CCDC85A: variants seen among roughly 807,000 people sequenced by gnomAD.
CCDC85A encodes coiled-coil domain-containing protein 85A.
CCDC85A carries 38 observed loss-of-function variants against 50.2 expected under a neutral mutation model. That is an observed-to-expected ratio of 0.76 (90% confidence interval 0.58 to 0.99). The LOEUF (loss-of-function observed/expected upper bound fraction) is 0.99, where lower values mean the gene tolerates loss of function less well. Among genes scored for constraint, CCDC85A ranks in the 50% least tolerant of loss-of-function variants. The probability of loss-of-function intolerance (pLI) is 0.00; values close to 1 mark genes in which losing one functional copy is unlikely to be tolerated. For synonymous variants in CCDC85A, 366 were observed against 301.4 expected, an observed-to-expected ratio of 1.21 and a Z score of -2.22; for missense variants, 820 against 742.0, an observed-to-expected ratio of 1.11 and a Z score of -1.22.
chr2:56,333,499 C>A (rs1673917425), intron 2 of CCDC85A, among the ~76,000 whole-genome samples: 1 of 151,910 alleles, frequency 6.6e-6, no homozygotes, highest in African/African-American at 2.4e-5. Flanking sequence ...AGAACTTTGG[C>A]CTTAATTTGG....
chr2:56,276,290 C>CT (rs775980476), intron 2 of CCDC85A, among the ~76,000 whole-genome samples: 2 of 152,106 alleles, frequency 1.3e-5, no homozygotes, highest in Admixed American at 6.5e-5. Flanking sequence ...TGCTTACTGG[C>CT]TTTTTATTTT....
chr2:56,366,453 A>G (rs1675799121), intron 3 of CCDC85A, among the ~76,000 whole-genome samples: 1 of 152,176 alleles, frequency 6.6e-6, no homozygotes, highest in Non-Finnish European at 1.5e-5. Context: ...TTTAAAAGGC[A>G]TGAGGTGATC....
At chr2:56,318,285 C>A (rs1673010005) in intron 2 of CCDC85A, among the ~76,000 whole-genome samples, 1 of 151,950 alleles carries the variant, frequency 6.6e-6, no homozygotes. Context: ...TAGGCTAGAC[C>A]CTAATGAGGA....
intron 2 of CCDC85A, among the ~76,000 whole-genome samples, chr2:56,278,510 T>C (rs1450928341): frequency 6.6e-6 from 1 of 152,200 alleles, no homozygotes; most frequent in Non-Finnish European, 1.5e-5. Context: ...TCTTATCATT[T>C]TGTCCTTCTC....
chr2:56,234,816 T>C (rs1023616775), intron 2 of CCDC85A, among the ~76,000 whole-genome samples: 3 of 152,206 alleles, frequency 2.0e-5, no homozygotes, highest in Non-Finnish European at 4.4e-5. Flanking sequence ...GCCTGTTTGC[T>C]GATTTTAGGG....
At chr2:56,312,127 T>G (rs972832319) in intron 2 of CCDC85A, among the ~76,000 whole-genome samples, 3 of 152,122 alleles carry the variant, frequency 2.0e-5, no homozygotes, top group African/African-American at 7.2e-5. Context: ...AGAGAAGCAC[T>G]GAGTGAATGG....
intron 2 of CCDC85A, among the ~76,000 whole-genome samples, chr2:56,238,995 A>G (rs949342884): frequency 3.3e-5 from 5 of 152,178 alleles, no homozygotes; most frequent in Non-Finnish European, 5.9e-5. Context: ...TTATCCAAGA[A>G]TATAAAGGAT....
At chr2:56,372,550 G>T (rs1035563887) in intron 4 of CCDC85A, 72 bp downstream of exon 4, 2 of 1,389,230 alleles carry the variant, frequency 1.4e-6, no homozygotes, top group Non-Finnish European at 1.9e-6. Flanking sequence ...TAGAGAAAAA[G>T]TTATACTGGG....
chr2:56,310,004 C>T (rs1672616740), intron 2 of CCDC85A, among the ~76,000 whole-genome samples: 1 of 152,142 alleles, frequency 6.6e-6, no homozygotes, highest in South Asian at 2.1e-4. Context: ...CTGGAGGAGT[C>T]ACACTATTCA....
intron 2 of CCDC85A, among the ~76,000 whole-genome samples, chr2:56,302,588 G>T (rs555627207): frequency 6.6e-6 from 1 of 152,208 alleles, no homozygotes; most frequent in Non-Finnish European, 1.5e-5. Flanking sequence ...AAATGTATTT[G>T]GTTTTATACT....
At chr2:56,378,161 T>C (rs1474304108) in intron 5 of CCDC85A, among the ~76,000 whole-genome samples, 2 of 152,170 alleles carry the variant, frequency 1.3e-5, no homozygotes, top group African/African-American at 4.8e-5. Flanking sequence ...ACATGTTTTG[T>C]TTTTGAGAGC....
intron 2 of CCDC85A, chr2:56,235,072 A>T (rs1164228826): frequency 6.6e-6 from 1 of 152,200 alleles, no homozygotes; most frequent in Non-Finnish European, 1.5e-5. Context: ...ACCTATGTAA[A>T]AGCTAAAAAT....
rs574761456 is a variant in CCDC85A, at chr2:56,343,417, A to G, written c.1317+462A>G. ...CTAAAATTCTTTGTGGTATAATTGA[A>G]CTCTTTCAGTGCAACAAAGTGATGA... On this transcript the variant is annotated intron_variant, in intron 3 of 5. Transcript: ENST00000407595. Among the ~76,000 whole-genome samples, 182 of 152,124 alleles carry G rather than the reference A, an allele frequency of 1.2e-3. 1 individual carries two copies. In the South Asian group the frequency reaches 0.035, roughly 29 times the overall value.
intron 2 of CCDC85A, among the ~76,000 whole-genome samples, chr2:56,238,342 G>A (rs1297467402): frequency 5.3e-5 from 8 of 151,344 alleles, no homozygotes; most frequent in South Asian, 4.2e-4. Flanking sequence ...ACTTGAACCC[G>A]GCAGGCAGAG....
chr2:56,300,202 C>T (rs1312173877), intron 2 of CCDC85A, among the ~76,000 whole-genome samples: 1 of 152,126 alleles, frequency 6.6e-6, no homozygotes, highest in Non-Finnish European at 1.5e-5. Context: ...GGACACAGCC[C>T]TCCTATGGGG....
intron 2 of CCDC85A, among the ~76,000 whole-genome samples, chr2:56,229,130 CT>C (rs1165708657): frequency 1.3e-5 from 2 of 152,146 alleles, no homozygotes; most frequent in Non-Finnish European, 2.9e-5. Context: ...GACATGGGTA[CT>C]TTTACCAGCA....
intron 2 of CCDC85A, among the ~76,000 whole-genome samples, chr2:56,230,458 A>G (rs1053330306): frequency 9.9e-5 from 15 of 152,138 alleles, no homozygotes; most frequent in African/African-American, 3.6e-4. Flanking sequence ...GTTCATATTT[A>G]TTTTCCTGCT....
chr2:56,193,014 A>C lies in CCDC85A; in HGVS notation c.814A>C (p.Lys272Gln). 1 of 1,613,530 alleles carries C rather than the reference A, an allele frequency of 6.2e-7. No homozygotes were observed. Among genetic ancestry groups the C allele is most frequent in the Non-Finnish European group, 8.5e-7 (1 of 1,179,808 alleles). Residue 272 changes from lysine (K) to glutamine (Q), a missense_variant, in exon 2 of 6, where the codon AAA becomes CAA. Transcript: ENST00000407595. ...PRACGTPDRP[K>Q]ALKGPSPEHH... is the part of the protein sequence containing the mutation. ...AGCCTGTGGAACCCCAGATCGCCCC[A>C]AAGCACTCAAAGGACCTAGCCCGGA...
chr2:56,328,760 T>C (rs560650348), intron 2 of CCDC85A, among the ~76,000 whole-genome samples: 1 of 152,288 alleles, frequency 6.6e-6, no homozygotes, highest in East Asian at 1.9e-4. Context: ...GTATGTTTTG[T>C]TGGCTGTACC....
Sources: gnomAD v4.1 joint callset for allele counts (sites outside exome capture counted in the v4.1 genomes callset) on GRCh38, gnomAD v4.1.1 for gene constraint, MANE v1.5 for transcripts, NCBI Gene and HGNC (gene_info 2026-07-23, HGNC 2026-07-21) for gene names.